Variants in VPS13A observed in about 807,000 individuals in gnomAD.
VPS13A encodes the protein intermembrane lipid transfer protein VPS13A.
Under a neutral mutation model 390.9 loss-of-function variants are expected in VPS13A, and 264 were observed. The ratio of observed to expected loss-of-function variants is 0.68; its 90% CI spans 0.61 to 0.75. The LOEUF (loss-of-function observed/expected upper bound fraction) is 0.75, where lower values mean the gene tolerates loss of function less well. Ranked by LOEUF, VPS13A falls within the 30% of genes least tolerant of loss-of-function variation. The pLI is 0.00. For missense variants in VPS13A, 3,409 were observed against 3,733.9 expected, an observed-to-expected ratio of 0.91 and a Z score of 2.27; for synonymous variants, 1,231 against 1,227.1, an observed-to-expected ratio of 1.00 and a Z score of -0.07.
intron 67 of VPS13A, among the ~76,000 whole-genome samples, chr9:77,378,278 G>C (rs570013902): frequency 2.6e-5 from 4 of 152,132 alleles, no homozygotes; most frequent in Non-Finnish European, 4.4e-5. Context: ...GAAACCGTCT[G>C]ATTCTTACTT....
In VPS13A at chr9:77,405,998, T is replaced by C; in HGVS notation, c.9399+11T>C. ...CGCATTGAAGCAAAGGTATGTTGAA[T>C]AGATTTATTTTTTGAAAACTTGGAA... On this transcript the variant is annotated intron_variant, in intron 70 of 71. Transcript: ENST00000360280. 1 of 1,613,300 alleles carries C rather than the reference T, an allele frequency of 6.2e-7. No homozygotes were observed. Among genetic ancestry groups the C allele is most frequent in the Non-Finnish European group, 8.5e-7 (1 of 1,179,898 alleles).
At chr9:77,177,913 G>A in intron 1 of VPS13A, 109 bp downstream of exon 1, 3 of 947,522 alleles carry the variant, frequency 3.2e-6, no homozygotes, top group Non-Finnish European at 4.8e-6. Flanking sequence ...CTCGCCGGGT[G>A]CAGCCACCTG....
chr9:77,365,615 A>G, intron 60 of VPS13A, 42 bp downstream of exon 60: 1 of 1,246,992 alleles, frequency 8.0e-7, no homozygotes, highest in Non-Finnish European at 1.2e-6. Context: ...AATCTAGGTA[A>G]TAGCAAATTG....
At chr9:77,202,793 G>A (rs1825406944) in intron 3 of VPS13A, among the ~76,000 whole-genome samples, 1 of 152,120 alleles carries the variant, frequency 6.6e-6, no homozygotes, top group African/African-American at 2.4e-5. Flanking sequence ...GATAATATAA[G>A]ATAGTAGAAA....
chr9:77,412,824 T>C (rs1016344278), intron 71 of VPS13A, among the ~76,000 whole-genome samples: 1 of 151,036 alleles, frequency 6.6e-6, no homozygotes, highest in Non-Finnish European at 1.5e-5. Context: ...TGTTTGCAGA[T>C]GACATGATTG....
intron 1 of VPS13A, among the ~76,000 whole-genome samples, chr9:77,184,977 T>C (rs35222526): frequency 0.017 from 2,532 of 152,096 alleles, 31 homozygotes; most frequent in Middle Eastern, 0.034. Flanking sequence ...TCCCTGAGTT[T>C]TGTGAGTTAT....
intron 59 of VPS13A, among the ~76,000 whole-genome samples, chr9:77,362,862 C>A (rs547171078): frequency 6.6e-6 from 1 of 151,992 alleles, no homozygotes; most frequent in Non-Finnish European, 1.5e-5. Flanking sequence ...GTATTATATT[C>A]TTCTTATAGT....
At chr9:77,341,945 C>CCGT (rs1830850494) in intron 50 of VPS13A, among the ~76,000 whole-genome samples, 1 of 151,732 alleles carries the variant, frequency 6.6e-6, no homozygotes, top group Non-Finnish European at 1.5e-5. Context: ...ATTAATAATA[C>CCGT]CGTAATCAAT....
intron 23 of VPS13A, among the ~76,000 whole-genome samples, chr9:77,270,656 A>C (rs1483049445): frequency 6.6e-6 from 1 of 152,060 alleles, no homozygotes; most frequent in Non-Finnish European, 1.5e-5. Context: ...GTGCCACTAC[A>C]CTCCAGCCTG....
At chr9:77,412,309 C>T (rs1468685841) in intron 71 of VPS13A, among the ~76,000 whole-genome samples, 1 of 152,146 alleles carries the variant, frequency 6.6e-6, no homozygotes, top group Non-Finnish European at 1.5e-5. Flanking sequence ...AATTTTAGAC[C>T]AATATCCCTG....
In VPS13A at chr9:77,293,451, T is replaced by G. The variant is rs768802442; in HGVS notation, c.3450T>G (p.Asn1150Lys). ...TGAATGTGGTTGACATTCAGGTTAA[T>G]TTAATAGTTGGTTGCATTGAAGTAG... is the stretch of plus-strand genomic sequence containing the variant. ...TDMNVVDIQV[N>K]LIVGCIEVVF... The change falls in exon 32 of 72, where the codon AAT becomes AAG. Residue 1150 changes from asparagine to lysine, a missense_variant. Physicochemically the swap from Asn to Lys is moderately conservative, Grantham distance 94. This residue lies in a region of VPS13A where 2,717 missense variants were observed against 2,917.4 expected (regional missense o/e 0.93). Transcript: ENST00000360280. 8 of 1,606,370 alleles carry G rather than the reference T, an allele frequency of 5.0e-6. No individual in the cohort carries two copies. Among genetic ancestry groups the G allele is most frequent in the Non-Finnish European group, 6.8e-6 (8 of 1,176,502 alleles).
At chr9:77,257,999 T>G (rs1825547024) in intron 22 of VPS13A, among the ~76,000 whole-genome samples, 1 of 152,238 alleles carries the variant, frequency 6.6e-6, no homozygotes, top group Admixed American at 6.5e-5. Flanking sequence ...TACTCATCCA[T>G]GTATTTACAT....
chr9:77,358,346 T>A lies in VPS13A; in HGVS notation c.7954-11T>A. On this transcript the variant is annotated splice_polypyrimidine_tract_variant and intron_variant, in intron 56 of 71. Coordinates refer to ENST00000360280, the MANE Select transcript of VPS13A (RefSeq NM_033305.3). Reference sequence around the variant, plus strand: ...ACATATTAATATACTGATGTGTTTTTATTTTCTTAGATCCAAAATCAGATA... The same window carrying A: ...ACATATTAATATACTGATGTGTTTTAATTTTCTTAGATCCAAAATCAGATA... The A allele has an allele frequency of 6.2e-7, 1 of 1,605,440 alleles. No homozygotes were observed. Among genetic ancestry groups the A allele is most frequent in the Non-Finnish European group, 8.5e-7 (1 of 1,172,468 alleles).
chr9:77,263,137 C>T (rs867491391), intron 23 of VPS13A, among the ~76,000 whole-genome samples: 12 of 146,618 alleles, frequency 8.2e-5, no homozygotes, highest in East Asian at 6.1e-4. Context: ...GACGGAGTCT[C>T]GCTTTGTCGC....
rs192676320 is a variant in VPS13A at position 77,382,949 on chromosome 9, T to C, written c.9189+862T>C. The C allele has an allele frequency of 1.1e-4, 104 of 985,156 alleles. No individual in the cohort carries two copies. The East Asian group carries it at 7.3e-3, about 69-fold the overall frequency. 61.0% of individuals were successfully genotyped at this position (985,156 alleles called of 1,614,324 possible). ...TCATATATAGGCTATACCAGTGTCATGTTGTTTCTGTGGTTTAGAGGTGGA... is the reference window on the plus strand; with the variant it reads ...TCATATATAGGCTATACCAGTGTCACGTTGTTTCTGTGGTTTAGAGGTGGA... On this transcript the variant is annotated intron_variant, in intron 68 of 71. Coordinates refer to ENST00000360280, the MANE Select transcript of VPS13A (RefSeq NM_033305.3).
rs564878665 is a variant in VPS13A at position 77,273,292 on chromosome 9, A to G, written c.2440A>G (p.Thr814Ala). The stretch of plus-strand genomic sequence containing the variant: ...ACTTTTCTTTCAGATTCAAACATCT[A>G]CTTCTTTGGGAACATCACAGATTTC... ...PVKSFQIQTS[T>A]SLGTSQISQK... Residue 814 changes from threonine to alanine, a missense_variant, in exon 24 of 72, where the codon ACT becomes GCT. Thr to Ala is a moderately conservative substitution (Grantham distance 58). Coordinates refer to ENST00000360280, the MANE Select transcript of VPS13A (RefSeq NM_033305.3). 5.0e-5 allele frequency: 80 copies of G among 1,611,086 alleles called. No homozygotes were observed. The highest frequency in any genetic ancestry group is 1.6e-4 in the Middle Eastern group (1 of 6,070).
At chr9:77,386,443 T>C (rs1833685377) in intron 68 of VPS13A, among the ~76,000 whole-genome samples, 1 of 151,926 alleles carries the variant, frequency 6.6e-6, no homozygotes, top group East Asian at 1.9e-4. Context: ...CTTAATTTCA[T>C]GGAATGGGAT....
intron 67 of VPS13A, among the ~76,000 whole-genome samples, chr9:77,379,342 G>A (rs1416175825): frequency 6.6e-6 from 1 of 151,664 alleles, no homozygotes; most frequent in African/African-American, 2.4e-5. Flanking sequence ...CCAAGTTCAA[G>A]CTATTCTCCT....
At chr9:77,236,386 G>A (rs1824144945) in intron 17 of VPS13A, among the ~76,000 whole-genome samples, 1 of 152,096 alleles carries the variant, frequency 6.6e-6, no homozygotes, top group Non-Finnish European at 1.5e-5. Flanking sequence ...TTCTGTGTAA[G>A]CTTTGTACAT....
Sources: allele counts gnomAD v4.1 joint callset (sites outside exome capture counted in the v4.1 genomes callset), GRCh38; gene constraint gnomAD v4.1.1; regional missense constraint gnomAD v4.1.1; transcripts MANE v1.5; gene names NCBI Gene and HGNC (gene_info 2026-07-23, HGNC 2026-07-21).